Variants in INSRR observed in about 807,000 individuals in gnomAD.
INSRR encodes the protein insulin receptor related receptor.
A neutral mutation model predicts 130.0 loss-of-function variants in INSRR; 114 were observed. The observed-to-expected ratio is 0.88, with a 90% CI of 0.75 to 1.02. The LOEUF is 1.02. Among genes scored for constraint, INSRR ranks in the 50% least tolerant of loss-of-function variants. The pLI is 0.00. For synonymous variants in INSRR, 674 were observed against 705.2 expected (o/e 0.96, Z 0.70); for missense variants, 1,657 against 1,735.2 (o/e 0.95, Z 0.80).
rs1344237934 is a variant in INSRR at position 156,840,707 on chromosome 1, C to A, written c.*166G>T. On this transcript the variant is annotated 3_prime_UTR_variant, in exon 22 of 22. Transcript: ENST00000368195. Reference sequence around the variant, plus strand: ...AGTCTGAGAAACTCCTATGGTGAGACCCCTCTGCCCACCCCCACAGCCTTC... The same window carrying A: ...AGTCTGAGAAACTCCTATGGTGAGAACCCTCTGCCCACCCCCACAGCCTTC... 1.7e-5 allele frequency: 11 copies of A among 633,478 alleles called. No homozygotes were observed. In the South Asian group the frequency reaches 1.9e-4, roughly 11 times the overall value. 39.2% of individuals were successfully genotyped at this position (633,478 alleles called of 1,614,324 possible).
chr1:156,846,043 G>A lies in INSRR; in HGVS notation c.1887C>T (p.Thr629=). ...SHLLVRWKPP[T]QRNGNLTYYL... ...AGTAGGTGAGGTTCCCATTGCGCTG[G>A]GTCGGTGGCTTCCAGCGCACCAGGA... Residue 629 remains threonine, a synonymous_variant, in exon 9 of 22, where the codon ACC becomes ACT. Coordinates refer to ENST00000368195, the MANE Select transcript of INSRR (RefSeq NM_014215.3). 4 of 1,613,632 alleles carry A rather than the reference G, an allele frequency of 2.5e-6. No homozygotes were observed. Among genetic ancestry groups the A allele is most frequent in the Non-Finnish European group, 3.4e-6 (4 of 1,179,790 alleles).
Position 156,840,945 on chromosome 1 carries a change from G to A in INSRR, c.3822C>T (p.Thr1274=), listed in dbSNP as rs377063631. The change falls in exon 22 of 22, where the codon ACC becomes ACT. Residue 1274 remains threonine (T), a synonymous_variant. Coordinates refer to ENST00000368195, the MANE Select transcript of INSRR (RefSeq NM_014215.3). ...ECRGARGSLP[T]TDAEPDSSPT... is the part of the protein sequence containing the mutation. ...GTGAGGAGTCAGGCTCTGCATCGGT[G>A]GTAGGCAGGGAGCCCCGGGCCCCCC... 2.5e-6 allele frequency: 4 copies of A among 1,613,990 alleles called. No homozygotes were observed. Among genetic ancestry groups the A allele is most frequent in the Admixed American group, 1.7e-5 (1 of 60,004 alleles).
At position 156,844,794 on chromosome 1, in the gene INSRR, C is replaced by T; in HGVS notation, c.2487G>A (p.Lys829=). 1 of 1,614,186 alleles carries T rather than the reference C, an allele frequency of 6.2e-7. No individual in the cohort carries two copies. The highest frequency in any genetic ancestry group is 8.5e-7 in the Non-Finnish European group (1 of 1,180,050). Reference sequence around the variant, plus strand: ...CGAGCCAGCGCAGAAGGACACTGTTCTTGCTGGAGGCCTCCCAGGCCACCT... The same window carrying T: ...CGAGCCAGCGCAGAAGGACACTGTTTTTGCTGGAGGCCTCCCAGGCCACCT... ...PGKVAWEASS[K]NSVLLRWLEP... is the part of the protein sequence containing the mutation. The change falls in exon 13 of 22, where the codon AAG becomes AAA. Residue 829 remains lysine (K), a synonymous_variant. Coordinates refer to ENST00000368195, the MANE Select transcript of INSRR (RefSeq NM_014215.3).
chr1:156,851,583 G>A, intron 4 of INSRR, 63 bp downstream of exon 4: 1 of 1,611,266 alleles, frequency 6.2e-7, no homozygotes, highest in Non-Finnish European at 8.5e-7. Flanking sequence ...TCATTGTAAG[G>A]GTTGTGTCTG....
rs775465525 is a variant in INSRR, at chr1:156,844,677, G to T, written c.2574+30C>A. Reference sequence around the variant, plus strand: ...GGAAGGCGATGTAGGCACAAAACGGGGCTGGGACGGGGGTCCCACGGGCAC... The same window carrying T: ...GGAAGGCGATGTAGGCACAAAACGGTGCTGGGACGGGGGTCCCACGGGCAC... On this transcript the variant is annotated intron_variant, in intron 13 of 21. Coordinates refer to ENST00000368195, the MANE Select transcript of INSRR (RefSeq NM_014215.3). 11 of 1,614,070 alleles carry T rather than the reference G, an allele frequency of 6.8e-6. No homozygotes were observed. In the Middle Eastern group the frequency reaches 4.9e-4, roughly 73 times the overall value.
In INSRR at chr1:156,845,142, T is replaced by C; in HGVS notation, c.2371A>G (p.Asn791Asp). ...CAGCCCACGGTGTGCGCCGCGTGGT[T>C]GCAGGCATGGATGTCGATCCGGTAT... ...TEYRIDIHAC[N>D]HAAHTVGCSA... Residue 791 changes from asparagine (N) to aspartate (D), a missense_variant, in exon 12 of 22, where the codon AAC (asparagine) becomes GAC (aspartate). Physicochemically the swap from Asn to Asp is conservative, Grantham distance 23. Transcript: ENST00000368195. 6.2e-7 allele frequency: 1 copy of C among 1,612,148 alleles called. No homozygotes were observed. The highest frequency in any genetic ancestry group is 1.1e-5 in the South Asian group (1 of 90,676).
intron 5 of INSRR, among the ~76,000 whole-genome samples, chr1:156,850,444 G>C (rs908017939): frequency 6.8e-6 from 1 of 147,754 alleles, no homozygotes; most frequent in Non-Finnish European, 1.5e-5. Flanking sequence ...ACTCCTGACC[G>C]CATGGTGATC....
At chr1:156,844,101 A>G in intron 15 of INSRR, 74 bp downstream of exon 15, 1 of 1,072,712 alleles carries the variant, frequency 9.3e-7, no homozygotes, top group Non-Finnish European at 1.4e-6. Context: ...TGTCTCATCT[A>G]CCTCCCTTTG....
intron 2 of INSRR, among the ~76,000 whole-genome samples, chr1:156,853,537 A>G (rs1187381474): frequency 6.6e-6 from 1 of 152,004 alleles, no homozygotes; most frequent in African/African-American, 2.4e-5. Flanking sequence ...CACCTATTCC[A>G]TGATGCCGCC....
chr1:156,844,180 C>A lies in INSRR; in HGVS notation c.2838G>T (p.Lys946Asn), dbSNP rs758328689. The change falls in exon 15 of 22, where the codon AAG (lysine) becomes AAT (asparagine). Residue 946 changes from lysine to asparagine, a missense_variant. Physicochemically the swap from Lys to Asn is moderately conservative, Grantham distance 94. Coordinates refer to ENST00000368195, the MANE Select transcript of INSRR (RefSeq NM_014215.3). ...CCGGTGGGACTTATCATCACCTCTT[C>A]TTGCCGTAGAAGAAACCAAGGGCAG... is the stretch of plus-strand genomic sequence containing the variant. The part of the protein sequence containing the change: ...VLAALGFFYG[K>N]KRNRTLYASV... The A allele has an allele frequency of 2.5e-6, 4 of 1,612,812 alleles. No homozygotes were observed. Among genetic ancestry groups the A allele is most frequent in the Non-Finnish European group, 3.4e-6 (4 of 1,179,186 alleles).
intron 2 of INSRR, among the ~76,000 whole-genome samples, chr1:156,853,029 T>C (rs969069020): frequency 6.6e-6 from 1 of 152,116 alleles, no homozygotes; most frequent in East Asian, 1.9e-4. Context: ...TCCTATAACG[T>C]TTTGCTTACT....
chr1:156,855,115 C>G (rs1450122892), intron 1 of INSRR, among the ~76,000 whole-genome samples: 1 of 152,114 alleles, frequency 6.6e-6, no homozygotes, highest in East Asian at 1.9e-4. Context: ...ATGGCTTGCC[C>G]ACCTCCTTAA....
intron 7 of INSRR, among the ~76,000 whole-genome samples, chr1:156,848,158 G>C (rs751292778): frequency 3.9e-5 from 6 of 152,032 alleles, no homozygotes; most frequent in Non-Finnish European, 8.8e-5. Flanking sequence ...GGAGGGTCTC[G>C]GCCATTTGAG....
chr1:156,858,489 C>T (rs762394574), intron 1 of INSRR, 48 bp downstream of exon 1: 6 of 1,503,852 alleles, frequency 4.0e-6, no homozygotes, highest in Non-Finnish European at 5.6e-6. Context: ...GGCCTCCCAG[C>T]TGGCTGGGAG....
chr1:156,852,161 G>A lies in INSRR; in HGVS notation c.668C>T (p.Thr223Ile), dbSNP rs746418230. 1.2e-6 allele frequency: 2 copies of A among 1,606,608 alleles called. No homozygotes were observed. The highest frequency in any genetic ancestry group is 2.2e-5 in the East Asian group (1 of 44,752). ...VCPCPHGMAC[T>I]ARGECCHTEC... ...GGTGTGGCAGCACTCGCCCCTCGCTGTGCAAGCCATCCCATGGGGGCAGGG... is the reference window on the plus strand; with the variant it reads ...GGTGTGGCAGCACTCGCCCCTCGCTATGCAAGCCATCCCATGGGGGCAGGG... Residue 223 changes from threonine (T) to isoleucine (I), a missense_variant, in exon 3 of 22, where the codon ACA becomes ATA. Coordinates refer to ENST00000368195, the MANE Select transcript of INSRR (RefSeq NM_014215.3).
chr1:156,849,713 G>A (rs1422964236), intron 5 of INSRR, among the ~76,000 whole-genome samples: 2 of 152,032 alleles, frequency 1.3e-5, no homozygotes, highest in Non-Finnish European at 2.9e-5. Flanking sequence ...CAGCTTCCCT[G>A]CCCCCATCCT....
chr1:156,843,331 A>G lies in INSRR; in HGVS notation c.2896+96T>C, dbSNP rs1464731140. 4 of 1,568,638 alleles carry G rather than the reference A, an allele frequency of 2.5e-6. No individual in the cohort carries two copies. The African/African-American group carries it at 5.4e-5, about 21-fold the overall frequency. ...CCTCTTCTGAAGGGCTCTTGTCCCA[A>G]GGCTATCTTCTGCAAGAAGGTCTTC... On this transcript the variant is annotated intron_variant, in intron 16 of 21. Coordinates refer to ENST00000368195, the MANE Select transcript of INSRR (RefSeq NM_014215.3).
At chr1:156,844,041 G>T in intron 15 of INSRR, 134 bp downstream of exon 15, 1 of 658,638 alleles carries the variant, frequency 1.5e-6, no homozygotes, top group Non-Finnish European at 2.7e-6. Flanking sequence ...TTTCCTCTGT[G>T]CCACCGCAGG....
rs1655217463 is a variant in INSRR, at chr1:156,851,736, T to C, written c.994A>G (p.Thr332Ala). 1 of 1,614,062 alleles carries C rather than the reference T, an allele frequency of 6.2e-7. No individual in the cohort carries two copies. Among genetic ancestry groups the C allele is most frequent in the African/African-American group, 1.3e-5 (1 of 74,920 alleles). The change falls in exon 4 of 22, where the codon ACC becomes GCC. Residue 332 changes from threonine (T) to alanine (A), a missense_variant. By Grantham distance (58) the Thr-to-Ala change is moderately conservative. Transcript: ENST00000368195. The part of the protein sequence containing the change: ...GLCPKECKVG[T>A]KTIDSIQAAQ... ...GCCTGGATGGAGTCGATGGTCTTGGTGCCTACCTTGCACTCTTTAGGGCAC... is the reference window on the plus strand; with the variant it reads ...GCCTGGATGGAGTCGATGGTCTTGGCGCCTACCTTGCACTCTTTAGGGCAC...
Sources: gnomAD v4.1 joint callset for allele counts (sites outside exome capture counted in the v4.1 genomes callset) on GRCh38, gnomAD v4.1.1 for gene constraint, MANE v1.5 for transcripts, NCBI Gene and HGNC (gene_info 2026-07-23, HGNC 2026-07-21) for gene names.